DCHS1: variants seen among roughly 807,000 people sequenced by gnomAD.
The protein encoded by DCHS1 is dachsous cadherin-related 1.
In DCHS1, 78 loss-of-function variants were observed where a neutral mutation model predicts 213.9. The observed-to-expected ratio is 0.36, with a 90% CI of 0.30 to 0.44. The LOEUF (loss-of-function observed/expected upper bound fraction) is 0.44, where lower values mean the gene tolerates loss of function less well. Ranked by LOEUF, DCHS1 falls within the 20% of genes least tolerant of loss-of-function variation. The pLI, the probability that DCHS1 is intolerant of heterozygous loss-of-function variation, is 1.00. For synonymous variants in DCHS1, 1,828 were observed against 1,873.7 expected, an observed-to-expected ratio of 0.98 and a Z score of 0.63; for missense variants, 3,946 against 4,395.9, an observed-to-expected ratio of 0.90 and a Z score of 2.89.
Position 6,622,387 on chromosome 11 carries a change from G to A in DCHS1, c.9289C>T (p.Leu3097=). ...GTGGCTCCTGCACCTGGCAGCAGCA[G>A]CCCTGCCTTTCGGCCCTTATACCAG... ...DTWYKGRKAG[L]LLPGAGATLY... is the part of the protein sequence containing the mutation. Residue 3097 remains leucine (L), a synonymous_variant, in exon 21 of 21, where the codon CTG becomes TTG. Transcript: ENST00000299441. This position sits in a 1 kb window ranked among gnomAD's most constrained non-coding sequence, Gnocchi z 5.4. The A allele has an allele frequency of 1.3e-6, 2 of 1,562,288 alleles. No individual in the cohort carries two copies. Among genetic ancestry groups the A allele is most frequent in the African/African-American group, 1.4e-5 (1 of 73,918 alleles).
rs377121113 is a variant in DCHS1, at chr11:6,624,121, C to T, written c.7555G>A (p.Asp2519Asn). Reference protein sequence around the residue: ...ADGSRSHAAVDYSIISGNWGR... With the variant: ...ADGSRSHAAVNYSIISGNWGR... ...CAGTTGCCACTGATGATGCTGTAGT[C>T]CACAGCGGCATGGCTGCGGCTTCCA... The change falls in exon 21 of 21, where the codon GAC becomes AAC. Residue 2519 changes from aspartate to asparagine, a missense_variant. Asp to Asn is a conservative substitution (Grantham distance 23). Around this residue, in one of 3 missense-constraint regions of DCHS1, gnomAD observed 3,384 missense variants for 3,780.1 expected, o/e 0.90. Transcript: ENST00000299441. 2 of 1,611,654 alleles carry T rather than the reference C, an allele frequency of 1.2e-6. No individual in the cohort carries two copies. Among genetic ancestry groups the T allele is most frequent in the African/African-American group, 2.7e-5 (2 of 74,926 alleles).
At chr11:6,646,122 A>G (rs937851) in intron 1 of DCHS1, among the ~76,000 whole-genome samples, 103,852 of 151,474 alleles carry the variant, frequency 0.69, 35,826 homozygotes, top group East Asian at 0.78. Flanking sequence ...CCCCACATAC[A>G]CACACACACC....
At chr11:6,634,935 T>A (rs948762186) in intron 2 of DCHS1, 1 of 152,222 alleles carries the variant, frequency 6.6e-6, no homozygotes, top group African/African-American at 2.4e-5. Flanking sequence ...TGTCCAGGAA[T>A]GCTAGTATTG....
At position 6,632,775 on chromosome 11, in the gene DCHS1, T is replaced by C. The variant is rs1183744204; in HGVS notation, c.2737A>G (p.Ile913Val). ...LPPNTAPGTPIYTLRALDPDS... is the reference protein window; with the variant it reads ...LPPNTAPGTPVYTLRALDPDS... ...GGGTCAAGAGCCCGCAGTGTATAGA[T>C]GGGAGTCCCTGGGGCAGTGTTTGGT... The change falls in exon 6 of 21, where the codon ATC (isoleucine) becomes GTC (valine). Residue 913 changes from isoleucine to valine, a missense_variant. Ile to Val is a conservative substitution (Grantham distance 29). Coordinates refer to ENST00000299441, the MANE Select transcript of DCHS1 (RefSeq NM_003737.4). The surrounding 1 kb of genome is among the most constrained non-coding windows in gnomAD (Gnocchi z 5.9). The C allele has an allele frequency of 6.2e-7, 1 of 1,613,540 alleles. No homozygotes were observed. Among genetic ancestry groups the C allele is most frequent in the African/African-American group, 1.3e-5 (1 of 74,928 alleles).
chr11:6,637,777 C>A (rs984004171), intron 2 of DCHS1, among the ~76,000 whole-genome samples: 4 of 152,124 alleles, frequency 2.6e-5, no homozygotes, highest in African/African-American at 9.7e-5. Flanking sequence ...GAAACTATTT[C>A]TTTGCACATG....
In DCHS1 at chr11:6,631,319, G is replaced by A. The variant is rs147152025; in HGVS notation, c.3764C>T (p.Thr1255Met). ...DEGENGTILY[T>M]LTGPGSELFS... ...TCTCTCCACTCCCATACCAGTTAGCGTGTACAAGATGGTCCCATTCTCCCC... is the reference window on the plus strand; with the variant it reads ...TCTCTCCACTCCCATACCAGTTAGCATGTACAAGATGGTCCCATTCTCCCC... The change falls in exon 8 of 21, where the codon ACG (threonine) becomes ATG (methionine). Residue 1255 changes from threonine to methionine, a missense_variant. Coordinates refer to ENST00000299441, the MANE Select transcript of DCHS1 (RefSeq NM_003737.4). The A allele has an allele frequency of 8.2e-5, 133 of 1,613,964 alleles. No homozygotes were observed. The African/African-American group carries it at 1.2e-3, about 15-fold the overall frequency.
intron 2 of DCHS1, chr11:6,635,308 A>G (rs2134636720): frequency 6.6e-6 from 1 of 152,302 alleles, no homozygotes; most frequent in South Asian, 2.1e-4. Context: ...TTCACCGAGT[A>G]AATCGACGGT....
At chr11:6,639,750 G>A in intron 2 of DCHS1, 67 bp downstream of exon 2, 1 of 1,375,276 alleles carries the variant, frequency 7.3e-7, no homozygotes, top group South Asian at 1.4e-5. Context: ...CTTGGTTCCT[G>A]CTCTGAGGTC....
At chr11:6,642,985 C>CTGT (rs1041781840) in intron 1 of DCHS1, among the ~76,000 whole-genome samples, 1 of 152,020 alleles carries the variant, frequency 6.6e-6, no homozygotes, top group Non-Finnish European at 1.5e-5. Flanking sequence ...GGCTTGCTGA[C>CTGT]TGTTTGAAGT....
Position 6,630,038 on chromosome 11 carries a change from A to T in DCHS1, c.4756T>A (p.Ser1586Thr). The change falls in exon 10 of 21, where the codon TCT becomes ACT. Residue 1586 changes from serine (S) to threonine (T), a missense_variant. Physicochemically the swap from Ser to Thr is moderately conservative, Grantham distance 58. Around this residue, in one of 3 missense-constraint regions of DCHS1, gnomAD observed 3,384 missense variants for 3,780.1 expected, o/e 0.90. Transcript: ENST00000299441. Reference sequence around the variant, plus strand: ...AGCCGGAAGTGGCCGTCCCCGCCAGATGCCAGCCGATAGGACACGCGTGCA... The same window carrying T: ...AGCCGGAAGTGGCCGTCCCCGCCAGTTGCCAGCCGATAGGACACGCGTGCA... Reference protein sequence around the residue: ...EAARVSYRLASGGDGHFRLHS... With the variant: ...EAARVSYRLATGGDGHFRLHS... 6.4e-7 allele frequency: 1 copy of T among 1,557,256 alleles called. No individual in the cohort carries two copies. Among genetic ancestry groups the T allele is most frequent in the East Asian group, 2.3e-5 (1 of 44,258 alleles).
At position 6,632,781 on chromosome 11, in the gene DCHS1, T is replaced by G; in HGVS notation, c.2731A>C (p.Thr911Pro). ...AGAGCCCGCAGTGTATAGATGGGAGTCCCTGGGGCAGTGTTTGGTGGTAGC... is the reference window on the plus strand; with the variant it reads ...AGAGCCCGCAGTGTATAGATGGGAGGCCCTGGGGCAGTGTTTGGTGGTAGC... ...VLLPPNTAPGTPIYTLRALDP... is the reference protein window; with the variant it reads ...VLLPPNTAPGPPIYTLRALDP... The change falls in exon 6 of 21, where the codon ACT becomes CCT. Residue 911 changes from threonine (T) to proline (P), a missense_variant. This residue lies in a region of DCHS1 where 3,384 missense variants were observed against 3,780.1 expected (regional missense o/e 0.90). Transcript: ENST00000299441. This position sits in a 1 kb window ranked among gnomAD's most constrained non-coding sequence, Gnocchi z 5.9. 6.2e-7 allele frequency: 1 copy of G among 1,613,622 alleles called. No homozygotes were observed. The highest frequency in any genetic ancestry group is 8.5e-7 in the Non-Finnish European group (1 of 1,179,780).
In DCHS1 at chr11:6,655,335, C is replaced by A. The variant is rs572607599; in HGVS notation, c.-121+228G>T. Among the ~76,000 whole-genome samples, 523 of 152,094 alleles carry A rather than the reference C, an allele frequency of 3.4e-3. 2 individuals are homozygous for A. Among genetic ancestry groups the A allele is most frequent in the African/African-American group, 0.012 (482 of 41,496 alleles). On this transcript the variant is annotated intron_variant, in intron 1 of 20. Coordinates refer to ENST00000299441, the MANE Select transcript of DCHS1 (RefSeq NM_003737.4). ...CACCCCACACCCCCGGCGCACGCTCCCGCCGCCACCCTCCCCGACTCGATG... is the reference window on the plus strand; with the variant it reads ...CACCCCACACCCCCGGCGCACGCTCACGCCGCCACCCTCCCCGACTCGATG...
rs769276323 is a variant in DCHS1 at position 6,623,271 on chromosome 11, A to T, written c.8405T>A (p.Leu2802Gln). The T allele has an allele frequency of 1.3e-6, 2 of 1,590,090 alleles. No individual in the cohort carries two copies. The highest frequency in any genetic ancestry group is 2.3e-5 in the South Asian group (2 of 87,466). The change falls in exon 21 of 21, where the codon CTA becomes CAA. Residue 2802 changes from leucine to glutamine, a missense_variant. Leu to Gln is a moderately radical substitution (Grantham distance 113, BLOSUM62 -2). Around this residue, in one of 3 missense-constraint regions of DCHS1, gnomAD observed 3,384 missense variants for 3,780.1 expected, o/e 0.90. Coordinates refer to ENST00000299441, the MANE Select transcript of DCHS1 (RefSeq NM_003737.4). The part of the protein sequence containing the change: ...NLSASVTVSV[L>Q]VTGEDEYDPV... ...GTCATACTCATCCTCTCCAGTCACT[A>T]GCACCGACACAGTGACAGAGGCTGA...
chr11:6,623,362 G>A lies in DCHS1; in HGVS notation c.8314C>T (p.Pro2772Ser), dbSNP rs745339829. Residue 2772 changes from proline to serine, a missense_variant, in exon 21 of 21, where the codon CCC (proline) becomes TCC (serine). Pro to Ser is a moderately conservative substitution (Grantham distance 74). Around this residue, in one of 3 missense-constraint regions of DCHS1, gnomAD observed 3,384 missense variants for 3,780.1 expected, o/e 0.90. Transcript: ENST00000299441. ...SSTGELRARVPFDYEHTESFR... is the reference protein window; with the variant it reads ...SSTGELRARVSFDYEHTESFR... ...CTTTCTGTGTGCTCATAGTCAAAGGGCACTCGCGCACGCAACTCCCCTGTT... is the reference window on the plus strand; with the variant it reads ...CTTTCTGTGTGCTCATAGTCAAAGGACACTCGCGCACGCAACTCCCCTGTT... 2 of 1,597,088 alleles carry A rather than the reference G, an allele frequency of 1.3e-6. No homozygotes were observed. The highest frequency in any genetic ancestry group is 1.7e-6 in the Non-Finnish European group (2 of 1,171,858).
At position 6,652,374 on chromosome 11, in the gene DCHS1, TG is replaced by T. The variant is rs540245031; in HGVS notation, c.-121+3188del. Among the ~76,000 whole-genome samples the T allele has an allele frequency of 2.2e-3, 333 of 152,136 alleles. 3 individuals are homozygous for T. Among genetic ancestry groups the T allele is most frequent in the African/African-American group, 7.6e-3 (316 of 41,502 alleles). ...GTTACATTTGAGGGGCAGGCACAAATGGGAAGTGAGGAAGTAGGAACAGCTA... is the reference window on the plus strand; with the variant it reads ...GTTACATTTGAGGGGCAGGCACAAATGGAAGTGAGGAAGTAGGAACAGCTA... On this transcript the variant is annotated intron_variant, in intron 1 of 20. Coordinates refer to ENST00000299441, the MANE Select transcript of DCHS1 (RefSeq NM_003737.4).
chr11:6,626,613 G>A lies in DCHS1; in HGVS notation c.6303C>T (p.Pro2101=). The A allele has an allele frequency of 6.2e-7, 1 of 1,614,012 alleles. No homozygotes were observed. The highest frequency in any genetic ancestry group is 2.2e-5 in the East Asian group (1 of 44,884). Residue 2101 remains proline, a synonymous_variant, in exon 15 of 21, where the codon CCC becomes CCT. Transcript: ENST00000299441. The surrounding 1 kb of genome is among the most constrained non-coding windows in gnomAD (Gnocchi z 5.2). ...RAVHAGGTNG[P]ITYSILSGNE... ...TCCCACTGAGAATGCTGTAGGTGAT[G>A]GGTCCATTTGTGCCTCCTGCATGGA...
Position 6,623,421 on chromosome 11 carries a change from G to A in DCHS1, c.8255C>T (p.Pro2752Leu), listed in dbSNP as rs756725661. Residue 2752 changes from proline to leucine, a missense_variant, in exon 21 of 21, where the codon CCT becomes CTT. By Grantham distance (98) the Pro-to-Leu change is moderately conservative. Around this residue, in one of 3 missense-constraint regions of DCHS1, gnomAD observed 3,384 missense variants for 3,780.1 expected, o/e 0.90. Transcript: ENST00000299441. ...RYSLLEAGPG[P>L]EGREAFALNS... ...CAGTGCAAATGCCTCACGGCCCTCA[G>A]GTCCTGGCCCAGCCTCCAACAGGCT... 1.3e-6 allele frequency: 2 copies of A among 1,589,660 alleles called. No individual in the cohort carries two copies. Among genetic ancestry groups the A allele is most frequent in the Non-Finnish European group, 1.7e-6 (2 of 1,168,108 alleles).
At chr11:6,624,698 A>C in intron 20 of DCHS1, 32 bp downstream of exon 20, 1 of 1,613,560 alleles carries the variant, frequency 6.2e-7, no homozygotes, top group Non-Finnish European at 8.5e-7. Context: ...AACACAGTCA[A>C]AGGCAAGGGG....
rs1855843537 is a variant in DCHS1 at position 6,628,283 on chromosome 11, A to C, written c.5371+338T>G. Among the ~76,000 whole-genome samples the C allele has an allele frequency of 6.6e-6, 1 of 152,260 alleles. No individual in the cohort carries two copies. The highest frequency in any genetic ancestry group is 6.5e-5 in the Admixed American group (1 of 15,292). ...TCATCTCAGTTTTATTATCTAATAC[A>C]GTAAATACTGATATAATCCACATAA... On this transcript the variant is annotated intron_variant, in intron 13 of 20. Transcript: ENST00000299441. The surrounding 1 kb of genome is among the most constrained non-coding windows in gnomAD (Gnocchi z 4.3).
Sources: allele counts gnomAD v4.1 joint callset (sites outside exome capture counted in the v4.1 genomes callset), GRCh38; gene constraint gnomAD v4.1.1; regional missense constraint gnomAD v4.1.1; non-coding constraint Gnocchi (gnomAD v3.1); transcripts MANE v1.5; gene names NCBI Gene and HGNC (gene_info 2026-07-23, HGNC 2026-07-21).